The following CDH18 variants were observed in gnomAD, a reference collection of about 807,000 sequenced individuals.
CDH18 encodes cadherin 18, also known as cadherin-18.
CDH18 carries 31 observed loss-of-function variants against 67.9 expected under a neutral mutation model. The ratio of observed to expected loss-of-function variants is 0.46; its 90% confidence interval spans 0.34 to 0.62. CDH18 has a LOEUF of 0.62. Among genes scored for constraint, CDH18 ranks in the 20% least tolerant of loss-of-function variants. CDH18 has a pLI of 0.01. For missense variants in CDH18, 890 were observed against 975.5 expected (o/e 0.91, Z 1.17); for synonymous variants, 362 against 347.2 (o/e 1.04, Z -0.48).
chr5:20,132,755 C>G (rs377728537), intron 2 of CDH18, among the ~76,000 whole-genome samples: 2 of 152,008 alleles, frequency 1.3e-5, no homozygotes, highest in African/African-American at 4.8e-5. Flanking sequence ...AAATTCCTCA[C>G]GTTCATCTCT....
chr5:19,860,322 C>T (rs1489019904), intron 2 of CDH18, among the ~76,000 whole-genome samples: 1 of 151,866 alleles, frequency 6.6e-6, no homozygotes, highest in Non-Finnish European at 1.5e-5. Context: ...TATGTTTTAT[C>T]CTTTTCTTAT....
In CDH18 at chr5:19,784,800, C is replaced by T. The variant is rs1423398595; in HGVS notation, c.229-37564G>A. 2.0e-5 allele frequency among the ~76,000 whole-genome samples: 3 copies of T among 152,112 alleles called. No homozygotes were observed. In the East Asian group the frequency reaches 5.8e-4, roughly 29 times the overall value. ...ACACCTTTTAAAATCTAAAAAGACA[C>T]ATTTACCATCTATTCTCTATGAAGC... On this transcript the variant is annotated intron_variant, in intron 3 of 12. Coordinates refer to ENST00000382275, the MANE Select transcript of CDH18 (RefSeq NM_004934.5).
chr5:20,480,359 A>G (rs1333168973), intron 1 of CDH18, among the ~76,000 whole-genome samples: 1 of 152,186 alleles, frequency 6.6e-6, no homozygotes, highest in Non-Finnish European at 1.5e-5. Flanking sequence ...GTATAACAAG[A>G]TAATAATAGT....
At chr5:20,162,336 T>C (rs940306597) in intron 2 of CDH18, among the ~76,000 whole-genome samples, 6 of 150,610 alleles carry the variant, frequency 4.0e-5, no homozygotes, top group African/African-American at 1.5e-4. Context: ...TTTAGTACTT[T>C]GCAGCAGAAA....
At chr5:19,671,883 C>T (rs750900748) in intron 5 of CDH18, among the ~76,000 whole-genome samples, 3 of 152,028 alleles carry the variant, frequency 2.0e-5, no homozygotes, top group Non-Finnish European at 2.9e-5. Context: ...GCACAATGCA[C>T]CTGATTCCTT....
rs547408896 is a variant in CDH18, at chr5:19,892,614, G to C, written c.-256-53372C>G. Among the ~76,000 whole-genome samples the C allele has an allele frequency of 1.4e-4, 22 of 152,170 alleles. No individual in the cohort carries two copies. In the South Asian group the frequency reaches 1.7e-3, roughly 11 times the overall value. ...ACCTGTGACCAATAAGAATATTGTA[G>C]AAATCATGGAGTGTGACTTCCAAAA... On this transcript the variant is annotated intron_variant, in intron 2 of 12. Coordinates refer to ENST00000382275, the MANE Select transcript of CDH18 (RefSeq NM_004934.5).
At chr5:19,902,104 CAT>C (rs1455748967) in intron 2 of CDH18, among the ~76,000 whole-genome samples, 1 of 152,074 alleles carries the variant, frequency 6.6e-6, no homozygotes, top group African/African-American at 2.4e-5. Context: ...TCAATTTTAA[CAT>C]ATTCGTAATA....
At chr5:20,225,639 C>A (rs1741565631) in intron 2 of CDH18, among the ~76,000 whole-genome samples, 1 of 152,090 alleles carries the variant, frequency 6.6e-6, no homozygotes. Context: ...GAGTTGGCTT[C>A]TCTTCTGGAG....
At chr5:19,981,776 C>T (rs763938838) in intron 1 of CDH18, among the ~76,000 whole-genome samples, 2 of 152,150 alleles carry the variant, frequency 1.3e-5, no homozygotes, top group Non-Finnish European at 2.9e-5. Context: ...TTTGCACTTG[C>T]TTTTCACTCT....
At chr5:19,483,124 A>G (rs1739747699) in intron 12 of CDH18, among the ~76,000 whole-genome samples, 177 bp downstream of exon 12, 1 of 152,208 alleles carries the variant, frequency 6.6e-6, no homozygotes. Context: ...TTCTTCCAAC[A>G]TATTTGAATC....
intron 1 of CDH18, among the ~76,000 whole-genome samples, chr5:20,307,972 T>C (rs1011749741): frequency 6.6e-6 from 1 of 152,104 alleles, no homozygotes; most frequent in Non-Finnish European, 1.5e-5. Flanking sequence ...GAACATTTGT[T>C]TTTATTGTTG....
intron 1 of CDH18, among the ~76,000 whole-genome samples, chr5:20,546,585 C>T (rs914890786): frequency 6.6e-6 from 1 of 152,044 alleles, no homozygotes; most frequent in East Asian, 1.9e-4. Flanking sequence ...TTGAATCCAT[C>T]GGTTCTCGCG....
Position 19,612,591 on chromosome 5 carries a change from T to C in CDH18, c.654A>G (p.Arg218=), listed in dbSNP as rs778427474. 8.7e-6 allele frequency: 14 copies of C among 1,611,480 alleles called. No homozygotes were observed. The Admixed American group carries it at 1.2e-4, about 13-fold the overall frequency. The part of the protein sequence containing the change: ...FSVDPKTGVI[R]TALHNMDREA... ...CTCTGTCCATGTTATGTAAGGCCGT[T>C]CTAATAACTCCTGTAATAGATATAT... The change falls in exon 6 of 13, where the codon AGA becomes AGG. Residue 218 remains arginine (R), a synonymous_variant. Transcript: ENST00000382275.
chr5:19,655,506 TG>T (rs1756235377), intron 5 of CDH18, among the ~76,000 whole-genome samples: 1 of 152,034 alleles, frequency 6.6e-6, no homozygotes, highest in Non-Finnish European at 1.5e-5. Context: ...TTAATATTTG[TG>T]GAATAAATGT....
chr5:20,105,636 T>G (rs768719884), intron 2 of CDH18, among the ~76,000 whole-genome samples: 3 of 152,204 alleles, frequency 2.0e-5, no homozygotes, highest in Non-Finnish European at 4.4e-5. Context: ...TTTGCTTATT[T>G]TAGATACCTC....
At chr5:20,273,938 ATAAGT>A (rs1273797366) in intron 1 of CDH18, among the ~76,000 whole-genome samples, 2 of 152,168 alleles carry the variant, frequency 1.3e-5, no homozygotes, top group African/African-American at 4.8e-5. Flanking sequence ...GGAGATGTAA[ATAAGT>A]TAAGATGATT....
intron 1 of CDH18, among the ~76,000 whole-genome samples, chr5:20,299,983 T>C (rs551512085): frequency 6.6e-6 from 1 of 152,098 alleles, no homozygotes; most frequent in Non-Finnish European, 1.5e-5. Context: ...ACAGGACCAT[T>C]CCACATGAAT....
chr5:20,280,880 A>T (rs182974383), intron 1 of CDH18, among the ~76,000 whole-genome samples: 1 of 152,258 alleles, frequency 6.6e-6, no homozygotes, highest in African/African-American at 2.4e-5. Context: ...TTGTTTCCTG[A>T]CTTTTAAATG....
At chr5:19,738,646 G>C (rs931754192) in intron 4 of CDH18, among the ~76,000 whole-genome samples, 1 of 152,126 alleles carries the variant, frequency 6.6e-6, no homozygotes, top group African/African-American at 2.4e-5. Flanking sequence ...CTTGCAAATT[G>C]ACCAGTTTTA....
Sources: gnomAD v4.1 joint callset for allele counts (sites outside exome capture counted in the v4.1 genomes callset) on GRCh38, gnomAD v4.1.1 for gene constraint, MANE v1.5 for transcripts, NCBI Gene and HGNC (gene_info 2026-07-23, HGNC 2026-07-21) for gene names.